Variants in GTF2I observed in about 807,000 individuals in gnomAD.
The protein encoded by GTF2I is general transcription factor II-I.
GTF2I carries 12 observed loss-of-function variants against 67.6 expected under a neutral mutation model. The ratio of observed to expected loss-of-function variants is 0.18; its 90% CI spans 0.11 to 0.29. The LOEUF is 0.29. Among genes scored for constraint, GTF2I ranks in the 10% least tolerant of loss-of-function variants. GTF2I has a pLI of 1.00. For missense variants in GTF2I, 271 were observed against 580.1 expected, an observed-to-expected ratio of 0.47 and a Z score of 5.47; for synonymous variants, 149 against 197.0, an observed-to-expected ratio of 0.76 and a Z score of 2.04.
intron 3 of GTF2I, among the ~76,000 whole-genome samples, chr7:74,694,461 C>T (rs1788686052): frequency 6.6e-6 from 1 of 152,166 alleles, no homozygotes; most frequent in Non-Finnish European, 1.5e-5. Context: ...GTGGCGTGCA[C>T]CTGTAGTCCC....
chr7:74,685,636 G>A (rs1434794076), intron 1 of GTF2I, among the ~76,000 whole-genome samples: 1 of 151,374 alleles, frequency 6.6e-6, no homozygotes, highest in Non-Finnish European at 1.5e-5. Flanking sequence ...GCGTGGTGGC[G>A]GGCACCTGTA....
At chr7:74,669,026 C>A (rs181209346) in intron 1 of GTF2I, among the ~76,000 whole-genome samples, 1 of 151,886 alleles carries the variant, frequency 6.6e-6, no homozygotes. Context: ...TAAGCCACCA[C>A]GCCCGGCCCA....
chr7:74,713,202 G>A (rs587649061), intron 9 of GTF2I, among the ~76,000 whole-genome samples: 153 of 152,248 alleles, frequency 1.0e-3, no homozygotes, highest in Non-Finnish European at 1.8e-3. Flanking sequence ...AGCAATATTG[G>A]AAGCCAAAAA....
At chr7:74,723,003 T>C in intron 12 of GTF2I, among the ~76,000 whole-genome samples, 1 of 152,206 alleles carries the variant, frequency 6.6e-6, no homozygotes, top group East Asian at 1.9e-4. Context: ...TCTTGTGGAA[T>C]TTATGTTTAA....
rs1793887971 is a variant in GTF2I at position 74,726,931 on chromosome 7, GATA to G, written c.944-1854_944-1852del. 13 of 151,870 alleles carry G rather than the reference GATA, an allele frequency of 8.6e-5. No individual in the cohort carries two copies. The South Asian group carries it at 2.7e-3, about 32-fold the overall frequency. 9.4% of individuals were successfully genotyped at this position (151,870 alleles called of 1,614,324 possible). A position where few individuals can be genotyped will look rare whatever the true frequency, so the allele number is the denominator to read the frequency against. On this transcript the variant is annotated intron_variant, in intron 12 of 34. Transcript: ENST00000573035. ...AGATAGATAGATAGATAGATAGATA[GATA>G]GATAGATAGAAAGAATGAGACCCTG...
intron 6 of GTF2I, among the ~76,000 whole-genome samples, chr7:74,704,628 T>C (rs1210277673): frequency 5.3e-5 from 8 of 151,952 alleles, no homozygotes; most frequent in African/African-American, 1.5e-4. Context: ...AGTGGGAGTC[T>C]CCCTTGAGGC....
At chr7:74,713,477 A>G (rs587617180) in intron 9 of GTF2I, among the ~76,000 whole-genome samples, 1 of 152,336 alleles carries the variant, frequency 6.6e-6, no homozygotes, top group South Asian at 2.1e-4. Flanking sequence ...TAAGCTAACT[A>G]TAGAAAACTG....
intron 1 of GTF2I, among the ~76,000 whole-genome samples, chr7:74,684,142 GGTCCATGTGTA>G (rs1787493785): frequency 6.6e-6 from 1 of 152,218 alleles, no homozygotes. Context: ...CTTTTCCTGG[GGTCCATGTGTA>G]GTCCATGTTG....
chr7:74,686,187 G>C (rs1554395474), intron 1 of GTF2I, among the ~76,000 whole-genome samples: 1 of 152,124 alleles, frequency 6.6e-6, no homozygotes, highest in Non-Finnish European at 1.5e-5. Flanking sequence ...TTCCATCTGG[G>C]ACACAGAAAA....
intron 6 of GTF2I, among the ~76,000 whole-genome samples, chr7:74,704,097 G>T (rs782805056): frequency 5.9e-5 from 9 of 152,044 alleles, no homozygotes; most frequent in Non-Finnish European, 1.2e-4. Context: ...CACAGCATTG[G>T]TGATAGCAGA....
At position 74,657,803 on chromosome 7, in the gene GTF2I, C is replaced by G. The variant is rs1256609537; in HGVS notation, c.-271C>G. 6.6e-6 allele frequency: 1 copy of G among 152,320 alleles called. No individual in the cohort carries two copies. The highest frequency in any genetic ancestry group is 1.5e-5 in the Non-Finnish European group (1 of 68,318). The allele number at this position is 152,320 out of a possible 1,614,324, so 9.4% of individuals were successfully genotyped here. A position where few individuals can be genotyped will look rare whatever the true frequency, so the allele number is the denominator to read the frequency against. On this transcript the variant is annotated 5_prime_UTR_variant, in exon 1 of 35. Transcript: ENST00000573035. ...CGCGCTCTCCAGCCGCGGCCGCCCG[C>G]CTGCCGCGGTCACCCCGGCCTCTGC...
chr7:74,716,710 A>G (rs1299166488), intron 10 of GTF2I, 184 bp from the exon 11 acceptor site: 3 of 500,478 alleles, frequency 6.0e-6, no homozygotes, highest in Non-Finnish European at 7.1e-6. Context: ...TTAGCTTCCA[A>G]ATAGAAGCGT....
At chr7:74,714,815 TGGGGGG>T in intron 9 of GTF2I, 36 bp from the exon 10 acceptor site, 1 of 1,371,684 alleles carries the variant, frequency 7.3e-7, no homozygotes, top group Admixed American at 1.9e-5. Flanking sequence ...CATTTTTTTT[TGGGGGG>T]GATTACTTTT....
At chr7:74,689,654 A>G (rs1788082681) in intron 2 of GTF2I, among the ~76,000 whole-genome samples, 1 of 151,080 alleles carries the variant, frequency 6.6e-6, no homozygotes, top group Admixed American at 6.6e-5. Flanking sequence ...GCCCCAACCA[A>G]TGAGTAGTTT....
intron 3 of GTF2I, among the ~76,000 whole-genome samples, chr7:74,691,405 C>T (rs192477805): frequency 6.6e-6 from 1 of 152,248 alleles, no homozygotes; most frequent in African/African-American, 2.4e-5. Context: ...GGGGTTTCTC[C>T]ATGTTGGTCA....
chr7:74,680,171 T>G (rs1455985237), intron 1 of GTF2I, among the ~76,000 whole-genome samples: 8 of 144,986 alleles, frequency 5.5e-5, no homozygotes, highest in African/African-American at 2.0e-4. Flanking sequence ...CACACATATA[T>G]ATAATTTTAT....
chr7:74,657,930 G>A lies in GTF2I; in HGVS notation c.-144G>A, dbSNP rs1804055570. On this transcript the variant is annotated 5_prime_UTR_variant, in exon 1 of 35. Transcript: ENST00000573035. ...CGCGACCGACACGCACGGGCCCCTC[G>A]CCCCCTCTCGCCTCCCGTCCGCTCG... 1 of 152,144 alleles carries A rather than the reference G, an allele frequency of 6.6e-6. No individual in the cohort carries two copies. The highest frequency in any genetic ancestry group is 1.5e-5 in the Non-Finnish European group (1 of 68,182). The allele number at this position is 152,144 out of a possible 1,614,324, so 9.4% of individuals were successfully genotyped here.
chr7:74,678,474 T>G (rs1786896229), intron 1 of GTF2I, among the ~76,000 whole-genome samples: 1 of 152,116 alleles, frequency 6.6e-6, no homozygotes, highest in Admixed American at 6.5e-5. Context: ...TAAGTAAAGG[T>G]GCAGTGTAGA....
chr7:74,671,665 A>G (rs1322897068), intron 1 of GTF2I, among the ~76,000 whole-genome samples: 1 of 152,068 alleles, frequency 6.6e-6, no homozygotes, highest in African/African-American at 2.4e-5. Flanking sequence ...GTATCTTAAA[A>G]TGTCAGCATA....
Sources: allele counts gnomAD v4.1 joint callset (sites outside exome capture counted in the v4.1 genomes callset), GRCh38; gene constraint gnomAD v4.1.1; transcripts MANE v1.5; gene names NCBI Gene and HGNC (gene_info 2026-07-23, HGNC 2026-07-21).